The following SGPP2 variants were observed in gnomAD, a reference collection of about 807,000 sequenced individuals.
SGPP2 encodes sphingosine-1-phosphate phosphatase 2.
In SGPP2, 30 loss-of-function variants were observed where a neutral mutation model predicts 33.9. That is an observed-to-expected ratio of 0.89 (90% CI 0.66 to 1.20). The LOEUF is 1.20. Among genes scored for constraint, SGPP2 ranks in the 50% most tolerant of loss-of-function variants. The pLI is 0.00. For synonymous variants in SGPP2, 233 were observed against 225.0 expected (o/e 1.04, Z -0.32); for missense variants, 458 against 532.1 (o/e 0.86, Z 1.37).
intron 1 of SGPP2, among the ~76,000 whole-genome samples, chr2:222,435,622 G>A (rs905140488): frequency 2.0e-5 from 3 of 152,074 alleles, no homozygotes; most frequent in Non-Finnish European, 2.9e-5. Flanking sequence ...ACGCCCCAAC[G>A]CAAGTACTAT....
Position 222,550,421 on chromosome 2 carries a change from GAAGAT to G in SGPP2, c.649-7923_649-7919del, listed in dbSNP as rs1372114475. ...AATTTGGAAGATCCTGGAGTATAGAGAAGATAATAGTCATCTGTAATGTCACAACA... is the reference window on the plus strand; with the variant it reads ...AATTTGGAAGATCCTGGAGTATAGAGAATAGTCATCTGTAATGTCACAACA... On this transcript the variant is annotated intron_variant, in intron 4 of 4. Coordinates refer to ENST00000321276, the MANE Select transcript of SGPP2 (RefSeq NM_152386.4). The surrounding 1 kb of genome is among the most constrained non-coding windows in gnomAD (Gnocchi z 4.5). Among the ~76,000 whole-genome samples the G allele has an allele frequency of 1.3e-5, 2 of 152,074 alleles. No homozygotes were observed. Among genetic ancestry groups the G allele is most frequent in the Non-Finnish European group, 2.9e-5 (2 of 68,030 alleles).
At chr2:222,489,979 T>A (rs954183005) in intron 2 of SGPP2, among the ~76,000 whole-genome samples, 4 of 151,938 alleles carry the variant, frequency 2.6e-5, no homozygotes, top group Non-Finnish European at 4.4e-5. Flanking sequence ...AATAAATAAA[T>A]AAAATAAAAA....
chr2:222,445,242 T>C (rs1440614684), intron 1 of SGPP2, among the ~76,000 whole-genome samples: 2 of 152,234 alleles, frequency 1.3e-5, no homozygotes, highest in African/African-American at 4.8e-5. Context: ...GGACCAAACA[T>C]TGACCACTGA....
At chr2:222,524,908 G>T (rs760896438) in intron 3 of SGPP2, 36 bp from the exon 4 acceptor site, 15 of 1,509,510 alleles carry the variant, frequency 9.9e-6, no homozygotes, top group Non-Finnish European at 1.4e-5. Context: ...GTCTGAGTGT[G>T]ATCTAATTCC....
At chr2:222,526,179 A>T (rs1698755978) in intron 4 of SGPP2, among the ~76,000 whole-genome samples, 1 of 151,544 alleles carries the variant, frequency 6.6e-6, no homozygotes, top group Non-Finnish European at 1.5e-5. Flanking sequence ...TTTTTTAAAA[A>T]ATCAAAATTC....
chr2:222,542,286 A>G (rs1699009774), intron 4 of SGPP2, among the ~76,000 whole-genome samples: 1 of 152,172 alleles, frequency 6.6e-6, no homozygotes, highest in Non-Finnish European at 1.5e-5. Flanking sequence ...CTAACTCATG[A>G]CCATATACCA....
At chr2:222,554,331 T>A (rs1689351005) in intron 4 of SGPP2, among the ~76,000 whole-genome samples, 1 of 152,256 alleles carries the variant, frequency 6.6e-6, no homozygotes. Flanking sequence ...CTTTGTGCAG[T>A]GGCATAGTAT....
At chr2:222,478,724 T>G (rs753262555) in intron 2 of SGPP2, among the ~76,000 whole-genome samples, 1 of 152,156 alleles carries the variant, frequency 6.6e-6, no homozygotes, top group Non-Finnish European at 1.5e-5. Context: ...TATATAGGTT[T>G]TATTGCTTTT....
At chr2:222,463,564 G>A (rs866468637) in intron 1 of SGPP2, among the ~76,000 whole-genome samples, 4 of 152,144 alleles carry the variant, frequency 2.6e-5, no homozygotes, top group African/African-American at 9.7e-5. Context: ...AATGGGAGGA[G>A]TAGCATGAAG....
chr2:222,459,978 C>G (rs1259590983), intron 1 of SGPP2, among the ~76,000 whole-genome samples: 1 of 152,210 alleles, frequency 6.6e-6, no homozygotes, highest in East Asian at 1.9e-4. Flanking sequence ...ATTTCCCACA[C>G]TTTAATATTT....
At chr2:222,458,803 C>A (rs77305439) in intron 1 of SGPP2, among the ~76,000 whole-genome samples, 1 of 152,308 alleles carries the variant, frequency 6.6e-6, no homozygotes, top group African/African-American at 2.4e-5. Context: ...CACCTCACCC[C>A]CAGCCCAGCG....
rs768164856 is a variant in SGPP2, at chr2:222,558,910, T to C, written c.*12T>C. The C allele has an allele frequency of 5.0e-6, 8 of 1,592,958 alleles. No homozygotes were observed. In the East Asian group the frequency reaches 6.8e-5, roughly 13 times the overall value. On this transcript the variant is annotated 3_prime_UTR_variant, in exon 5 of 5. Coordinates refer to ENST00000321276, the MANE Select transcript of SGPP2 (RefSeq NM_152386.4). ...TGGGATTACCCTGAGTCTCAAACAG[T>C]TGGAAACTAGCCCACTGGACATGAA...
intron 4 of SGPP2, among the ~76,000 whole-genome samples, chr2:222,554,105 A>G (rs1689346360): frequency 6.6e-6 from 1 of 152,234 alleles, no homozygotes. Context: ...AAAAAGAGGT[A>G]CTATATTCAC....
chr2:222,527,507 G>T (rs1698776700), intron 4 of SGPP2, among the ~76,000 whole-genome samples: 1 of 152,158 alleles, frequency 6.6e-6, no homozygotes, highest in South Asian at 2.1e-4. Flanking sequence ...CTTCCCATGG[G>T]GTTTGAATAT....
intron 2 of SGPP2, among the ~76,000 whole-genome samples, chr2:222,488,810 A>G (rs1698153067): frequency 6.6e-6 from 1 of 152,206 alleles, no homozygotes; most frequent in South Asian, 2.1e-4. Context: ...TTTGCATAGC[A>G]TATACTCAGA....
intron 1 of SGPP2, among the ~76,000 whole-genome samples, chr2:222,442,429 A>G (rs1000527337): frequency 6.6e-6 from 1 of 152,204 alleles, no homozygotes; most frequent in Admixed American, 6.5e-5. Flanking sequence ...ATAAAATATT[A>G]TCTGACAGAC....
In SGPP2 at chr2:222,536,496, G is replaced by A. The variant is rs978673230; in HGVS notation, c.648+11463G>A. Among the ~76,000 whole-genome samples, 13 of 151,998 alleles carry A rather than the reference G, an allele frequency of 8.6e-5. No individual in the cohort carries two copies. In the East Asian group the frequency reaches 1.7e-3, roughly 20 times the overall value. On this transcript the variant is annotated intron_variant, in intron 4 of 4. Coordinates refer to ENST00000321276, the MANE Select transcript of SGPP2 (RefSeq NM_152386.4). ...GGAGTTCGAGACCAGCCTGACCAAC[G>A]TGGTAAAACCCTGTCTCTACTAAAA...
At chr2:222,553,253 G>C (rs1248992743) in intron 4 of SGPP2, among the ~76,000 whole-genome samples, 6 of 152,200 alleles carry the variant, frequency 3.9e-5, no homozygotes, top group Non-Finnish European at 8.8e-5. Context: ...TTTAAATTTA[G>C]CCTTAGAAGC....
rs1697034224 is a variant in SGPP2 at position 222,424,777 on chromosome 2, G to T, written c.175G>T (p.Gly59Cys). The T allele has an allele frequency of 5.7e-6, 8 of 1,399,230 alleles. No individual in the cohort carries two copies. The highest frequency in any genetic ancestry group is 7.4e-6 in the Non-Finnish European group (8 of 1,078,120). The allele number at this position is 1,399,230 out of a possible 1,614,324, so 86.7% of individuals were successfully genotyped here. A position where few individuals can be genotyped will look rare whatever the true frequency, so the allele number is the denominator to read the frequency against. ...EHLPAANGKGGEAPANGLRRA... is the reference protein window; with the variant it reads ...EHLPAANGKGCEAPANGLRRA... ...TCTCCCCGCAGCCAACGGCAAGGGC[G>T]GCGAGGCTCCGGCCAACGGGCTGCG... is the stretch of plus-strand genomic sequence containing the variant. Residue 59 changes from glycine (G) to cysteine (C), a missense_variant, in exon 1 of 5, where the codon GGC (glycine) becomes TGC (cysteine). By Grantham distance (159) the Gly-to-Cys change is radical. Transcript: ENST00000321276.
Sources: allele counts gnomAD v4.1 joint callset (sites outside exome capture counted in the v4.1 genomes callset), GRCh38; gene constraint gnomAD v4.1.1; non-coding constraint Gnocchi (gnomAD v3.1); transcripts MANE v1.5; gene names NCBI Gene and HGNC (gene_info 2026-07-23, HGNC 2026-07-21).